Variants in DOK5 observed in about 807,000 individuals in gnomAD.
The protein encoded by DOK5 is docking protein 5.
In DOK5, 27 loss-of-function variants were observed where a neutral mutation model predicts 43.3. The observed-to-expected ratio is 0.62, with a 90% CI of 0.46 to 0.86. The LOEUF (loss-of-function observed/expected upper bound fraction) is 0.86, where lower values mean the gene tolerates loss of function less well. Among genes scored for constraint, DOK5 ranks in the 40% least tolerant of loss-of-function variants. The pLI is 0.00. For missense variants in DOK5, 373 were observed against 392.9 expected (o/e 0.95, Z 0.43); for synonymous variants, 146 against 140.1 (o/e 1.04, Z -0.30).
chr20:54,641,728 C>G (rs1179478062), intron 6 of DOK5, among the ~76,000 whole-genome samples: 2 of 152,166 alleles, frequency 1.3e-5, no homozygotes, highest in East Asian at 3.8e-4. Context: ...TGCACTAGGT[C>G]TGTAACCCCC....
chr20:54,505,162 G>GA (rs1439425819), intron 1 of DOK5, among the ~76,000 whole-genome samples: 1 of 152,052 alleles, frequency 6.6e-6, no homozygotes, highest in Non-Finnish European at 1.5e-5. Flanking sequence ...TGCAATGTAG[G>GA]GATATTATAG....
chr20:54,489,612 G>A (rs1982084787), intron 1 of DOK5, among the ~76,000 whole-genome samples: 1 of 149,858 alleles, frequency 6.7e-6, no homozygotes, highest in Non-Finnish European at 1.5e-5. Flanking sequence ...TGTTAAATAT[G>A]TGCATAAAGT....
chr20:54,495,449 C>T (rs1013932096), intron 1 of DOK5, among the ~76,000 whole-genome samples: 5 of 152,282 alleles, frequency 3.3e-5, no homozygotes, highest in Non-Finnish European at 7.3e-5. Context: ...AAGTAGCCTA[C>T]TGACTGAGGG....
chr20:54,538,470 T>G (rs1448212971), intron 1 of DOK5, among the ~76,000 whole-genome samples: 1 of 152,068 alleles, frequency 6.6e-6, no homozygotes, highest in Non-Finnish European at 1.5e-5. Context: ...AATAGTTGAT[T>G]AAGATTTCTA....
At chr20:54,545,596 G>T (rs1984314603) in intron 1 of DOK5, among the ~76,000 whole-genome samples, 1 of 152,178 alleles carries the variant, frequency 6.6e-6, no homozygotes, top group African/African-American at 2.4e-5. Flanking sequence ...GAAGTTGTAT[G>T]AGATAACATC....
intron 1 of DOK5, among the ~76,000 whole-genome samples, chr20:54,514,242 C>G (rs989613685): frequency 6.6e-6 from 1 of 152,150 alleles, no homozygotes; most frequent in Non-Finnish European, 1.5e-5. Flanking sequence ...ACATTTTTCT[C>G]CTCTTTCATT....
At chr20:54,646,248 G>GTT (rs386394048) in intron 7 of DOK5, among the ~76,000 whole-genome samples, 28,666 of 79,652 alleles carry the variant, frequency 0.36, 7,977 homozygotes, top group South Asian at 0.48. Context: ...TGGTTATACT[G>GTT]TTTTTTTTTT....
intron 5 of DOK5, among the ~76,000 whole-genome samples, chr20:54,604,183 T>A (rs1231912939): frequency 2.6e-5 from 4 of 151,968 alleles, no homozygotes; most frequent in Non-Finnish European, 5.9e-5. Flanking sequence ...CCTGACCTAG[T>A]GATCCACCCA....
chr20:54,608,105 C>T (rs538322180), intron 5 of DOK5, among the ~76,000 whole-genome samples: 4 of 152,180 alleles, frequency 2.6e-5, no homozygotes, highest in South Asian at 2.1e-4. Context: ...ACATTTCCTA[C>T]GGCGGGTTGC....
intron 5 of DOK5, among the ~76,000 whole-genome samples, chr20:54,608,655 TTTC>T (rs201072623): frequency 7.0e-4 from 102 of 145,082 alleles, no homozygotes; most frequent in African/African-American, 2.6e-3. Flanking sequence ...TTTCCCTCTA[TTTC>T]TTCTTCTTCT....
intron 1 of DOK5, 73 bp downstream of exon 1, chr20:54,476,085 G>C (rs2146649642): frequency 6.3e-7 from 1 of 1,592,884 alleles, no homozygotes; most frequent in Non-Finnish European, 8.5e-7. Flanking sequence ...ATCCCTGGAG[G>C]GTGGACGGAG....
At chr20:54,569,932 T>C (rs1454412945) in intron 2 of DOK5, among the ~76,000 whole-genome samples, 4 of 152,188 alleles carry the variant, frequency 2.6e-5, no homozygotes, top group African/African-American at 4.8e-5. Context: ...CTAGACTGGT[T>C]CTTTCTTAAG....
At chr20:54,563,196 G>T (rs907707542) in intron 2 of DOK5, among the ~76,000 whole-genome samples, 1 of 152,118 alleles carries the variant, frequency 6.6e-6, no homozygotes, top group African/African-American at 2.4e-5. Context: ...TTGGGCTCTG[G>T]CCTCCAGAAC....
intron 4 of DOK5, among the ~76,000 whole-genome samples, chr20:54,590,093 T>G (rs959632764): frequency 6.6e-6 from 1 of 152,172 alleles, no homozygotes; most frequent in Non-Finnish European, 1.5e-5. Flanking sequence ...GATCAGCACT[T>G]TTCACAAATT....
At chr20:54,546,136 C>T (rs1346523030) in intron 1 of DOK5, among the ~76,000 whole-genome samples, 1 of 152,034 alleles carries the variant, frequency 6.6e-6, no homozygotes, top group Non-Finnish European at 1.5e-5. Flanking sequence ...TGCTCAACCT[C>T]ACTAAAAACA....
chr20:54,530,012 A>G (rs1983714893), intron 1 of DOK5, among the ~76,000 whole-genome samples: 1 of 152,212 alleles, frequency 6.6e-6, no homozygotes, highest in South Asian at 2.1e-4. Context: ...TTAGCCTACA[A>G]CTGTCTCTTT....
intron 5 of DOK5, among the ~76,000 whole-genome samples, chr20:54,609,573 C>G (rs900156015): frequency 6.6e-6 from 1 of 151,658 alleles, no homozygotes; most frequent in African/African-American, 2.4e-5. Context: ...TATACACACA[C>G]TAAAATATAT....
chr20:54,592,794 AG>A (rs1372380487), intron 5 of DOK5, among the ~76,000 whole-genome samples: 1 of 152,084 alleles, frequency 6.6e-6, no homozygotes, highest in African/African-American at 2.4e-5. Context: ...GGCCTTCCAA[AG>A]TGCTGGGATT....
intron 1 of DOK5, among the ~76,000 whole-genome samples, chr20:54,489,862 A>G (rs1982097884): frequency 1.3e-5 from 2 of 152,176 alleles, no homozygotes; most frequent in Admixed American, 6.5e-5. Context: ...AGTGGGACTT[A>G]TTGTTCCAAG....
Sources: allele counts gnomAD v4.1 joint callset (sites outside exome capture counted in the v4.1 genomes callset), GRCh38; gene constraint gnomAD v4.1.1; transcripts MANE v1.5; gene names NCBI Gene and HGNC (gene_info 2026-07-23, HGNC 2026-07-21).